ADGRL3: variants seen among roughly 807,000 people sequenced by gnomAD.
ADGRL3 encodes the protein calcium-independent alpha-latrotoxin receptor 3.
Under a neutral mutation model 153.5 loss-of-function variants are expected in ADGRL3, and 62 were observed. That is an observed-to-expected ratio of 0.40 (90% CI 0.33 to 0.50). The LOEUF is 0.50. Ranked by LOEUF, ADGRL3 falls within the 20% of genes least tolerant of loss-of-function variation. ADGRL3 has a pLI of 0.47. For missense variants in ADGRL3, 1,641 were observed against 1,859.4 expected (o/e 0.88, Z 2.16); for synonymous variants, 710 against 672.5 (o/e 1.06, Z -0.86).
intron 8 of ADGRL3, among the ~76,000 whole-genome samples, chr4:61,781,331 C>CAAAAAAA (rs71281828): frequency 1.4e-4 from 9 of 64,432 alleles, no homozygotes; most frequent in African/African-American, 6.0e-4. Flanking sequence ...ATTCTGCCTC[C>CAAAAAAA]AAAAAAAAAA....
intron 1 of ADGRL3, among the ~76,000 whole-genome samples, chr4:61,353,395 G>A (rs979569233): frequency 6.6e-6 from 1 of 151,608 alleles, no homozygotes; most frequent in Non-Finnish European, 1.5e-5. Context: ...TTAATTTTAT[G>A]TTAACAGTTG....
At chr4:61,203,554 C>T (rs1735807495) in intron 1 of ADGRL3, among the ~76,000 whole-genome samples, 1 of 152,192 alleles carries the variant, frequency 6.6e-6, no homozygotes. Context: ...CTGTGTTTTG[C>T]TCTGAAGTAA....
At chr4:61,875,785 G>A (rs1257249037) in intron 9 of ADGRL3, among the ~76,000 whole-genome samples, 1 of 152,132 alleles carries the variant, frequency 6.6e-6, no homozygotes, top group East Asian at 1.9e-4. Flanking sequence ...TGTACTGTAA[G>A]GCATATTCTG....
intron 2 of ADGRL3, among the ~76,000 whole-genome samples, chr4:61,433,836 C>T (rs953994940): frequency 2.0e-5 from 3 of 152,072 alleles, no homozygotes; most frequent in Non-Finnish European, 2.9e-5. Context: ...TCTTTTTCTG[C>T]CTTTCCAGAC....
chr4:61,476,314 A>C (rs1330954461), intron 2 of ADGRL3, among the ~76,000 whole-genome samples: 2 of 151,550 alleles, frequency 1.3e-5, no homozygotes, highest in Non-Finnish European at 2.9e-5. Flanking sequence ...TGCAACCTCT[A>C]CCTCCCGGGT....
rs548277193 is a variant in ADGRL3 at position 61,707,706 on chromosome 4, TGAA to T, written c.584-22908_584-22906del. ...TGTAAGTGTATAGAGATTAAGCAAA[TGAA>T]GAAGAAGTAAAAGAAAGGAAAACCC... is the stretch of plus-strand genomic sequence containing the variant. On this transcript the variant is annotated intron_variant, in intron 6 of 26. Coordinates refer to ENST00000683033, the MANE Select transcript of ADGRL3 (RefSeq NM_001387552.1). Among the ~76,000 whole-genome samples the T allele has an allele frequency of 4.6e-5, 7 of 152,250 alleles. No homozygotes were observed. In the South Asian group the frequency reaches 6.2e-4, roughly 14 times the overall value.
chr4:62,067,872 T>C (rs10014416), intron 25 of ADGRL3, among the ~76,000 whole-genome samples: 4,192 of 152,146 alleles, frequency 0.028, 204 homozygotes, highest in African/African-American at 0.097. Flanking sequence ...TTGGTTTATG[T>C]GATGATCTTA....
chr4:61,675,600 C>G (rs982396661), intron 5 of ADGRL3, among the ~76,000 whole-genome samples: 3 of 149,856 alleles, frequency 2.0e-5, no homozygotes, highest in Non-Finnish European at 3.0e-5. Flanking sequence ...ACAAAAGTGC[C>G]CAAGTTTGTA....
At chr4:61,265,528 T>A (rs1415945550) in intron 1 of ADGRL3, among the ~76,000 whole-genome samples, 1 of 151,846 alleles carries the variant, frequency 6.6e-6, no homozygotes, top group African/African-American at 2.4e-5. Flanking sequence ...GGGAATACCT[T>A]ATATTCTAAG....
chr4:61,558,582 C>A (rs1015736808), intron 4 of ADGRL3, among the ~76,000 whole-genome samples: 2 of 151,858 alleles, frequency 1.3e-5, no homozygotes, highest in Non-Finnish European at 2.9e-5. Context: ...ATTGATCTGT[C>A]TATATAACAT....
At chr4:61,946,374 G>C (rs183452175) in intron 15 of ADGRL3, among the ~76,000 whole-genome samples, 2 of 152,074 alleles carry the variant, frequency 1.3e-5, no homozygotes, top group East Asian at 3.9e-4. Flanking sequence ...TTTCTAAAGT[G>C]TGTATTTACA....
chr4:61,953,549 C>T (rs547269576), intron 17 of ADGRL3, among the ~76,000 whole-genome samples: 1 of 152,266 alleles, frequency 6.6e-6, no homozygotes, highest in South Asian at 2.1e-4. Flanking sequence ...CTTCCTCCTT[C>T]CTAATTGTCA....
intron 1 of ADGRL3, among the ~76,000 whole-genome samples, chr4:61,340,177 A>T (rs2095777339): frequency 6.6e-6 from 1 of 152,160 alleles, no homozygotes; most frequent in Non-Finnish European, 1.5e-5. Context: ...ATTATCCCTC[A>T]GATTCAAACT....
chr4:61,369,980 T>G (rs1408553026), intron 1 of ADGRL3, among the ~76,000 whole-genome samples: 5 of 152,158 alleles, frequency 3.3e-5, no homozygotes, highest in African/African-American at 9.6e-5. Context: ...GTCAAGGAAT[T>G]TATCCATTTC....
intron 2 of ADGRL3, among the ~76,000 whole-genome samples, chr4:61,388,899 CTGTT>C (rs1375802819): frequency 2.6e-5 from 4 of 152,180 alleles, no homozygotes; most frequent in African/African-American, 4.8e-5. Context: ...AAAATGGAAA[CTGTT>C]TGGGAGTAGC....
At chr4:61,294,573 T>C (rs1199199490) in intron 1 of ADGRL3, among the ~76,000 whole-genome samples, 3 of 152,168 alleles carry the variant, frequency 2.0e-5, no homozygotes, top group Admixed American at 2.0e-4. Flanking sequence ...ATCGTGGTAA[T>C]TGATAGTGCA....
chr4:61,453,814 G>C (rs1208371714), intron 2 of ADGRL3, among the ~76,000 whole-genome samples: 2 of 152,078 alleles, frequency 1.3e-5, no homozygotes, highest in African/African-American at 4.8e-5. Context: ...CTGTGACTGA[G>C]AGACTTGCTA....
chr4:61,597,225 G>T (rs2098992752), intron 5 of ADGRL3, among the ~76,000 whole-genome samples: 1 of 151,878 alleles, frequency 6.6e-6, no homozygotes, highest in Admixed American at 6.6e-5. Context: ...GCTTGGCAAA[G>T]AATATAAGTC....
intron 21 of ADGRL3, among the ~76,000 whole-genome samples, chr4:62,008,699 A>G (rs1045076247): frequency 1.3e-5 from 2 of 151,330 alleles, no homozygotes; most frequent in African/African-American, 4.8e-5. Flanking sequence ...CAATTATAAA[A>G]TCTATTTATA....
Sources: gnomAD v4.1 joint callset for allele counts (sites outside exome capture counted in the v4.1 genomes callset) on GRCh38, gnomAD v4.1.1 for gene constraint, MANE v1.5 for transcripts, NCBI Gene and HGNC (gene_info 2026-07-23, HGNC 2026-07-21) for gene names.